Variants in ZNF385D observed in about 807,000 individuals in gnomAD.
ZNF385D encodes the protein zinc finger protein 659.
Under a neutral mutation model 35.8 loss-of-function variants are expected in ZNF385D, and 15 were observed. The observed-to-expected ratio is 0.42, with a 90% CI of 0.28 to 0.64. ZNF385D has a LOEUF of 0.64. ZNF385D is among the 30% of genes least tolerant of loss of function. ZNF385D has a pLI of 0.23. For missense variants in ZNF385D, 474 were observed against 494.6 expected (o/e 0.96, Z 0.39); for synonymous variants, 212 against 186.8 (o/e 1.13, Z -1.10).
chr3:22,321,164 G>GTTTTTTTTTTTTTTTTTTTTTTCTTTT, intron 2 of ZNF385D, among the ~76,000 whole-genome samples: 1 of 76,162 alleles, frequency 1.3e-5, no homozygotes, highest in Non-Finnish European at 2.4e-5. Flanking sequence ...TTATGACCTT[G>GTTTTTTTTTTTTTTTTTTTTTTCTTTT]TTTTTTTTTT....
intron 4 of ZNF385D, among the ~76,000 whole-genome samples, chr3:21,461,333 G>A (rs1044423849): frequency 5.3e-5 from 8 of 151,936 alleles, no homozygotes; most frequent in Admixed American, 2.6e-4. Flanking sequence ...GGAGGATCAT[G>A]AGGTTAGGAG....
intron 3 of ZNF385D, among the ~76,000 whole-genome samples, chr3:22,101,628 C>T (rs912698550): frequency 8.5e-5 from 13 of 152,098 alleles, no homozygotes; most frequent in East Asian, 3.9e-4. Context: ...CATTTAATTT[C>T]GCCAACTATA....
At chr3:21,744,137 G>A (rs957147591) in intron 1 of ZNF385D, among the ~76,000 whole-genome samples, 3 of 152,140 alleles carry the variant, frequency 2.0e-5, no homozygotes, top group South Asian at 2.1e-4. Context: ...CCTTGAGAAA[G>A]TTGTTTCAGT....
chr3:21,945,864 G>A (rs1701758312), intron 3 of ZNF385D, among the ~76,000 whole-genome samples: 1 of 152,158 alleles, frequency 6.6e-6, no homozygotes, highest in Admixed American at 6.5e-5. Context: ...AAGTAATTAT[G>A]CTTCATTTCC....
chr3:21,842,240 G>C (rs1033224277), intron 3 of ZNF385D, among the ~76,000 whole-genome samples: 2 of 151,928 alleles, frequency 1.3e-5, no homozygotes, highest in South Asian at 2.1e-4. Flanking sequence ...CAGGCTGATA[G>C]AGCAGCTACT....
At chr3:22,033,181 A>G (rs1395575710) in intron 3 of ZNF385D, among the ~76,000 whole-genome samples, 1 of 151,936 alleles carries the variant, frequency 6.6e-6, no homozygotes, top group Non-Finnish European at 1.5e-5. Flanking sequence ...GCAGGTCGAT[A>G]GCTTGAGCTC....
At chr3:21,947,271 T>A (rs530166599) in intron 3 of ZNF385D, among the ~76,000 whole-genome samples, 2 of 152,318 alleles carry the variant, frequency 1.3e-5, no homozygotes, top group African/African-American at 4.8e-5. Context: ...ATATAAATAT[T>A]GGCAAATTTA....
chr3:21,476,143 A>G (rs1361451831), intron 4 of ZNF385D, among the ~76,000 whole-genome samples: 1 of 152,158 alleles, frequency 6.6e-6, no homozygotes, highest in African/African-American at 2.4e-5. Flanking sequence ...TTAGGCAGAA[A>G]AGCTGCAAGC....
chr3:22,056,757 A>T (rs1699423538), intron 3 of ZNF385D, among the ~76,000 whole-genome samples: 1 of 152,232 alleles, frequency 6.6e-6, no homozygotes, highest in Admixed American at 6.5e-5. Context: ...TCATGCTTAC[A>T]GGTCTGAGGG....
At chr3:22,010,027 C>A (rs961473456) in intron 3 of ZNF385D, among the ~76,000 whole-genome samples, 1 of 151,984 alleles carries the variant, frequency 6.6e-6, no homozygotes, top group East Asian at 1.9e-4. Flanking sequence ...AACACAGTCA[C>A]TTCTGAACTG....
chr3:21,681,230 C>CA (rs560722275), intron 1 of ZNF385D, among the ~76,000 whole-genome samples: 66 of 90,266 alleles, frequency 7.3e-4, no homozygotes, highest in African/African-American at 1.7e-3. Flanking sequence ...AACCTTCTGA[C>CA]AAAAAAAATT....
chr3:21,991,321 C>G (rs1695132197), intron 3 of ZNF385D, among the ~76,000 whole-genome samples: 1 of 152,084 alleles, frequency 6.6e-6, no homozygotes, highest in Admixed American at 6.6e-5. Context: ...GTCAAGCAAA[C>G]CTAAAACAAG....
chr3:22,202,115 AT>A (rs940977331), intron 2 of ZNF385D, among the ~76,000 whole-genome samples: 1 of 152,018 alleles, frequency 6.6e-6, no homozygotes, highest in Non-Finnish European at 1.5e-5. Flanking sequence ...CTTTAGTTCA[AT>A]TTTTTAATTT....
intron 2 of ZNF385D, among the ~76,000 whole-genome samples, chr3:22,201,268 T>G (rs756155773): frequency 8.5e-5 from 13 of 152,124 alleles, no homozygotes; most frequent in Non-Finnish European, 1.5e-4. Context: ...GTCCCTTCAT[T>G]TGGGGTCCCT....
At chr3:21,507,648 C>T (rs962236377) in intron 4 of ZNF385D, among the ~76,000 whole-genome samples, 4 of 152,124 alleles carry the variant, frequency 2.6e-5, no homozygotes, top group African/African-American at 7.2e-5. Flanking sequence ...TTTGCCCAGT[C>T]CAGTCTCAAA....
At chr3:22,213,397 G>C (rs1160177982) in intron 2 of ZNF385D, among the ~76,000 whole-genome samples, 1 of 152,076 alleles carries the variant, frequency 6.6e-6, no homozygotes, top group African/African-American at 2.4e-5. Flanking sequence ...GTTATAGTTT[G>C]TGGATCTAAA....
intron 1 of ZNF385D, among the ~76,000 whole-genome samples, chr3:21,694,245 G>A (rs1423949592): frequency 6.6e-6 from 1 of 151,754 alleles, no homozygotes; most frequent in Non-Finnish European, 1.5e-5. Context: ...GGGTTTCACC[G>A]TGTTAGCCAG....
intron 2 of ZNF385D, among the ~76,000 whole-genome samples, chr3:22,342,122 A>T (rs2125480334): frequency 6.6e-6 from 1 of 151,882 alleles, no homozygotes; most frequent in Non-Finnish European, 1.5e-5. Context: ...AAAAACACAG[A>T]AAAAATTAGC....
intron 3 of ZNF385D, among the ~76,000 whole-genome samples, chr3:21,869,147 A>C (rs1198229288): frequency 6.6e-6 from 1 of 152,090 alleles, no homozygotes; most frequent in African/African-American, 2.4e-5. Context: ...ATACAAACTC[A>C]TTAGCACGTA....
Sources: allele counts gnomAD v4.1 joint callset (sites outside exome capture counted in the v4.1 genomes callset), GRCh38; gene constraint gnomAD v4.1.1; transcripts MANE v1.5; gene names NCBI Gene and HGNC (gene_info 2026-07-23, HGNC 2026-07-21).